Variants in NDRG3 observed in about 807,000 individuals in gnomAD.
The protein encoded by NDRG3 is NDRG family member 3.
A neutral mutation model predicts 57.2 loss-of-function variants in NDRG3; 23 were observed. The observed-to-expected ratio is 0.40, with a 90% CI of 0.29 to 0.57. The LOEUF is 0.57. Ranked by LOEUF, NDRG3 falls within the 20% of genes least tolerant of loss-of-function variation. The pLI, the probability that NDRG3 is intolerant of heterozygous loss-of-function variation, is 0.42. For synonymous variants in NDRG3, 132 were observed against 162.6 expected, an observed-to-expected ratio of 0.81 and a Z score of 1.43; for missense variants, 384 against 457.3, an observed-to-expected ratio of 0.84 and a Z score of 1.46.
intron 1 of NDRG3, among the ~76,000 whole-genome samples, chr20:36,743,217 G>A (rs1292633520): frequency 1.3e-5 from 2 of 152,220 alleles, no homozygotes; most frequent in Non-Finnish European, 2.9e-5. Flanking sequence ...AAAGCAGCCG[G>A]GCTCGGAGGC....
intron 8 of NDRG3, among the ~76,000 whole-genome samples, chr20:36,672,627 G>C (rs1300480039): frequency 6.6e-6 from 1 of 152,124 alleles, no homozygotes; most frequent in South Asian, 2.1e-4. Flanking sequence ...TCAGGAGTTT[G>C]AGACCAGGCT....
At chr20:36,690,467 C>T (rs1405928527) in intron 3 of NDRG3, among the ~76,000 whole-genome samples, 2 of 134,106 alleles carry the variant, frequency 1.5e-5, no homozygotes, top group Admixed American at 7.3e-5. Context: ...AAAGATGCAC[C>T]GAGCAAAGCT....
chr20:36,684,921 T>G (rs1372403990), intron 5 of NDRG3, among the ~76,000 whole-genome samples: 1 of 152,138 alleles, frequency 6.6e-6, no homozygotes, highest in Non-Finnish European at 1.5e-5. Context: ...TGTGGTACCC[T>G]GAAAATGATT....
At position 36,681,198 on chromosome 20, in the gene NDRG3, G is replaced by T. The variant is rs6016198; in HGVS notation, c.445-296C>A. ...TGGATCTTCCTCATTGGGAAAGTGC[G>T]CTTGGCACAAGCAGCTGCTCCATGC... On this transcript the variant is annotated intron_variant, in intron 7 of 15. Transcript: ENST00000349004. 6.6e-5 allele frequency among the ~76,000 whole-genome samples: 10 copies of T among 152,154 alleles called. No individual in the cohort carries two copies. In the South Asian group the frequency reaches 1.0e-3, roughly 16 times the overall value.
intron 6 of NDRG3, 117 bp downstream of exon 6, chr20:36,684,296 C>T (rs972898280): frequency 2.5e-6 from 2 of 796,204 alleles, no homozygotes; most frequent in Non-Finnish European, 4.2e-6. Flanking sequence ...CCCCACTAAG[C>T]TCTAGGAGGA....
intron 6 of NDRG3, 30 bp from the exon 7 acceptor site, chr20:36,682,608 G>C: frequency 6.3e-7 from 1 of 1,594,786 alleles, no homozygotes; most frequent in Non-Finnish European, 8.6e-7. Flanking sequence ...ACAACTGACA[G>C]AGTCAACTTC....
intron 5 of NDRG3, among the ~76,000 whole-genome samples, chr20:36,685,898 T>C (rs1188090280): frequency 6.6e-6 from 1 of 152,084 alleles, no homozygotes; most frequent in Admixed American, 6.6e-5. Context: ...TAGTCCCAGC[T>C]AGTAGGGAGG....
At chr20:36,738,419 C>T (rs2425267) in intron 1 of NDRG3, among the ~76,000 whole-genome samples, 1,477 of 145,426 alleles carry the variant, frequency 0.01, 17 homozygotes, top group African/African-American at 0.035. Context: ...TGCTTGAATC[C>T]GGGGGACAGA....
At chr20:36,684,735 G>A (rs1471838302) in intron 5 of NDRG3, among the ~76,000 whole-genome samples, 3 of 151,942 alleles carry the variant, frequency 2.0e-5, no homozygotes, top group African/African-American at 7.3e-5. Context: ...TGTAATCCCA[G>A]AAACTTGGGA....
Position 36,687,239 on chromosome 20 carries a change from G to C in NDRG3, c.320+253C>G, listed in dbSNP as rs558123670. 4.6e-5 allele frequency among the ~76,000 whole-genome samples: 7 copies of C among 152,086 alleles called. No individual in the cohort carries two copies. The East Asian group carries it at 1.4e-3, about 29-fold the overall frequency. The stretch of plus-strand genomic sequence containing the variant: ...TAGATGTTCCAGACACTTATGCCTT[G>C]AGATTACAGGAAAGCAGGCACCTGC... On this transcript the variant is annotated intron_variant, in intron 5 of 15. Coordinates refer to ENST00000349004, the MANE Select transcript of NDRG3 (RefSeq NM_032013.4).
intron 1 of NDRG3, among the ~76,000 whole-genome samples, chr20:36,743,886 A>G (rs7345686): frequency 0.87 from 121,483 of 140,120 alleles, 53,277 homozygotes; most frequent in African/African-American, 0.97. Flanking sequence ...GTGCACGTTC[A>G]AGTAACATAA....
At chr20:36,682,484 C>G in intron 7 of NDRG3, 34 bp downstream of exon 7, 1 of 1,584,984 alleles carries the variant, frequency 6.3e-7, no homozygotes, top group Non-Finnish European at 8.7e-7. Flanking sequence ...GGCACTGCCT[C>G]AAGGATGTTG....
At chr20:36,666,571 G>C (rs984950637) in intron 9 of NDRG3, among the ~76,000 whole-genome samples, 179 bp from the exon 10 acceptor site, 15 of 152,138 alleles carry the variant, frequency 9.9e-5, no homozygotes, top group African/African-American at 3.6e-4. Context: ...GCATCAGACT[G>C]GTTCAGTGCT....
intron 8 of NDRG3, among the ~76,000 whole-genome samples, chr20:36,678,142 G>A (rs1280495795): frequency 6.6e-6 from 1 of 152,176 alleles, no homozygotes; most frequent in Non-Finnish European, 1.5e-5. Context: ...GGAAGGAGTA[G>A]CACAGATAAA....
intron 2 of NDRG3, among the ~76,000 whole-genome samples, chr20:36,714,819 G>A (rs1181017992): frequency 1.3e-5 from 2 of 150,844 alleles, no homozygotes; most frequent in Admixed American, 6.6e-5. Flanking sequence ...CTCCATGTTG[G>A]TAAGGCTGGT....
intron 1 of NDRG3, 108 bp from the exon 2 acceptor site, chr20:36,721,891 G>A: frequency 3.4e-6 from 2 of 581,396 alleles, no homozygotes; most frequent in South Asian, 4.8e-5. Context: ...TCTGTGCCAT[G>A]CCCTGCTCAG....
chr20:36,723,131 C>T (rs575270663), intron 1 of NDRG3, among the ~76,000 whole-genome samples: 1 of 152,314 alleles, frequency 6.6e-6, no homozygotes, highest in East Asian at 1.9e-4. Context: ...AAGTCAGAAC[C>T]ACCCTACCAA....
At chr20:36,692,249 T>C (rs1982323433) in intron 3 of NDRG3, among the ~76,000 whole-genome samples, 1 of 152,206 alleles carries the variant, frequency 6.6e-6, no homozygotes, top group Admixed American at 6.5e-5. Flanking sequence ...AGACGGAGTC[T>C]TACTCTATCG....
intron 2 of NDRG3, among the ~76,000 whole-genome samples, chr20:36,711,295 T>TAAATA (rs1555804308): frequency 6.7e-6 from 1 of 150,226 alleles, no homozygotes; most frequent in African/African-American, 2.4e-5. Context: ...AAAATAATAA[T>TAAATA]AATAAATAAA....
Sources: gnomAD v4.1 joint callset for allele counts (sites outside exome capture counted in the v4.1 genomes callset) on GRCh38, gnomAD v4.1.1 for gene constraint, MANE v1.5 for transcripts, NCBI Gene and HGNC (gene_info 2026-07-23, HGNC 2026-07-21) for gene names.